The following TBC1D10B variants were observed in gnomAD, a reference collection of about 807,000 sequenced individuals.
TBC1D10B encodes Rab27A-GAPbeta.
In TBC1D10B, 25 loss-of-function variants were observed where a neutral mutation model predicts 78.4. The observed-to-expected ratio is 0.32, with a 90% CI of 0.23 to 0.45. The LOEUF (loss-of-function observed/expected upper bound fraction) is 0.45, where lower values mean the gene tolerates loss of function less well. TBC1D10B is among the 20% of genes least tolerant of loss of function. The pLI, the probability that TBC1D10B is intolerant of heterozygous loss-of-function variation, is 1.00. For synonymous variants in TBC1D10B, 517 were observed against 478.0 expected (o/e 1.08, Z -1.06); for missense variants, 996 against 1,104.8 (o/e 0.90, Z 1.40).
intron 4 of TBC1D10B, chr16:30,360,085 T>G: frequency 4.3e-6 from 2 of 470,020 alleles, no homozygotes; most frequent in Non-Finnish European, 7.7e-6. Context: ...CTCGCCCTCC[T>G]TCCTCAGCCA....
At chr16:30,364,086 C>T (rs986445827) in intron 4 of TBC1D10B, among the ~76,000 whole-genome samples, 24 of 150,772 alleles carry the variant, frequency 1.6e-4, no homozygotes, top group Non-Finnish European at 3.2e-4. Flanking sequence ...CACTGTACTC[C>T]TGCCTCGGCA....
At chr16:30,367,538 G>A (rs543388473) in intron 1 of TBC1D10B, 1 of 152,354 alleles carries the variant, frequency 6.6e-6, no homozygotes, top group South Asian at 2.1e-4. Context: ...GGGGGCAGTG[G>A]GTATCAGGGA....
chr16:30,370,263 C>A lies in TBC1D10B; in HGVS notation c.-80G>T. The A allele has an allele frequency of 1.3e-6, 1 of 761,844 alleles. No individual in the cohort carries two copies. The highest frequency in any genetic ancestry group is 1.7e-6 in the Non-Finnish European group (1 of 595,746). 47.2% of individuals were successfully genotyped at this position (761,844 alleles called of 1,614,324 possible). On this transcript the variant is annotated 5_prime_UTR_variant, in exon 1 of 9. Transcript: ENST00000409939. Reference sequence around the variant, plus strand: ...CCCTCGGGCCTCCCGGCGAGGCCAGCCGAGAAAGGGGAGAGGGCGAAGGGC... The same window carrying A: ...CCCTCGGGCCTCCCGGCGAGGCCAGACGAGAAAGGGGAGAGGGCGAAGGGC...
At position 30,369,548 on chromosome 16, in the gene TBC1D10B, G is replaced by T. The variant is rs1462858781; in HGVS notation, c.636C>A (p.Asp212Glu). 6.5e-7 allele frequency: 1 copy of T among 1,543,630 alleles called. No individual in the cohort carries two copies. Among genetic ancestry groups the T allele is most frequent in the South Asian group, 1.2e-5 (1 of 83,550 alleles). The change falls in exon 1 of 9, where the codon GAC (aspartate) becomes GAA (glutamate). Residue 212 changes from aspartate to glutamate, a missense_variant. Asp to Glu is a conservative substitution (Grantham distance 45, BLOSUM62 2). Around this residue, in one of 5 missense-constraint regions of TBC1D10B, gnomAD observed 448 missense variants for 442.1 expected, o/e 1.01. Transcript: ENST00000409939. The surrounding 1 kb of genome is among the most constrained non-coding windows in gnomAD (Gnocchi z 4.3). ...TSASAGQAPE[D>E]PSGPGTGPSG... ...AGGGGCCTGTGCCAGGGCCTGAGGG[G>T]TCCTCAGGAGCCTGTCCTGCTGATG...
At position 30,370,230 on chromosome 16, in the gene TBC1D10B, G is replaced by A. The variant is rs1458316573; in HGVS notation, c.-47C>T. The A allele has an allele frequency of 4.9e-6, 5 of 1,029,432 alleles. No homozygotes were observed. Among genetic ancestry groups the A allele is most frequent in the Non-Finnish European group, 3.6e-6 (3 of 831,488 alleles). The allele number at this position is 1,029,432 out of a possible 1,614,324, so 63.8% of individuals were successfully genotyped here. A position where few individuals can be genotyped will look rare whatever the true frequency, so the allele number is the denominator to read the frequency against. On this transcript the variant is annotated 5_prime_UTR_variant, in exon 1 of 9. Transcript: ENST00000409939. ...TCCCCCCGCCGGGGAGGCCGCAGAA[G>A]GCGCCGCCCCTCGGGCCTCCCGGCG...
chr16:30,357,617 C>T lies in TBC1D10B; in HGVS notation c.*327G>A. On this transcript the variant is annotated 3_prime_UTR_variant, in exon 9 of 9. Transcript: ENST00000409939. ...AGCTATGGAGTGTAAGAATCTGAAA[C>T]TGCTGACTCCCATCACCAGGAGTCA... 5.0e-6 allele frequency: 2 copies of T among 400,778 alleles called. No individual in the cohort carries two copies. Among genetic ancestry groups the T allele is most frequent in the Non-Finnish European group, 9.1e-6 (2 of 220,170 alleles). 24.8% of individuals were successfully genotyped at this position (400,778 alleles called of 1,614,324 possible).
At position 30,358,476 on chromosome 16, in the gene TBC1D10B, G is replaced by A; in HGVS notation, c.1895C>T (p.Pro632Leu). The change falls in exon 9 of 9, where the codon CCC becomes CTC. Residue 632 changes from proline to leucine, a missense_variant. Transcript: ENST00000409939. ...CCGGGACCCATGCAGTCGCCGTGAG[G>A]GCCGATACTGCAGCTCCCCCCGCGT... is the stretch of plus-strand genomic sequence containing the variant. ...RETRGELQYR[P>L]SRRLHGSRAI... 1 of 1,597,240 alleles carries A rather than the reference G, an allele frequency of 6.3e-7. No homozygotes were observed.
Position 30,369,822 on chromosome 16 carries a change from T to G in TBC1D10B, c.362A>C (p.Glu121Ala). Reference protein sequence around the residue: ...SPEPAAVAGVETSRALAAGAD... With the variant: ...SPEPAAVAGVATSRALAAGAD... ...CCCTGCGGCCAGAGCCCTCGATGTC[T>G]CAACTCCAGCCACTGCCGCGGGCTC... Residue 121 changes from glutamate to alanine, a missense_variant, in exon 1 of 9, where the codon GAG (glutamate) becomes GCG (alanine). Glu to Ala is a moderately radical substitution (Grantham distance 107). Transcript: ENST00000409939. This position sits in a 1 kb window ranked among gnomAD's most constrained non-coding sequence, Gnocchi z 4.3. The G allele has an allele frequency of 7.1e-7, 1 of 1,415,308 alleles. No individual in the cohort carries two copies. The allele number at this position is 1,415,308 out of a possible 1,614,324, so 87.7% of individuals were successfully genotyped here.
In TBC1D10B at chr16:30,369,408, G is replaced by C. The variant is rs1363450056; in HGVS notation, c.776C>G (p.Pro259Arg). Residue 259 changes from proline (P) to arginine (R), a missense_variant, in exon 1 of 9, where the codon CCT (proline) becomes CGT (arginine). By Grantham distance (103) the Pro-to-Arg change is moderately radical (BLOSUM62 -2). Coordinates refer to ENST00000409939, the MANE Select transcript of TBC1D10B (RefSeq NM_015527.4). The surrounding 1 kb of genome is among the most constrained non-coding windows in gnomAD (Gnocchi z 4.3). ...TSSLGPGISG[P>R]RGQAPDTLSY... is the part of the protein sequence containing the mutation. ...CAGCGTGTCCGGGGCCTGCCCTCGA[G>C]GCCCAGAGATGCCAGGTCCCAGGCT... The C allele has an allele frequency of 6.3e-7, 1 of 1,579,754 alleles. No homozygotes were observed. Among genetic ancestry groups the C allele is most frequent in the East Asian group, 2.3e-5 (1 of 42,736 alleles).
rs1270566895 is a variant in TBC1D10B, at chr16:30,358,314, G to A, written c.2057C>T (p.Ala686Val). The change falls in exon 9 of 9, where the codon GCC becomes GTC. Residue 686 changes from alanine to valine, a missense_variant. Physicochemically the swap from Ala to Val is moderately conservative, Grantham distance 64. Transcript: ENST00000409939. ...APSPPPPVRR[A>V]SAGPAPGPVV... ...AGGCCCTGGGGCAGGCCCAGCACTG[G>A]CTCTGCGGACGGGGGGCGGCGGGGA... is the stretch of plus-strand genomic sequence containing the variant. 1 of 1,580,172 alleles carries A rather than the reference G, an allele frequency of 6.3e-7. No individual in the cohort carries two copies. The highest frequency in any genetic ancestry group is 8.6e-7 in the Non-Finnish European group (1 of 1,163,036).
At chr16:30,359,415 G>A in intron 6 of TBC1D10B, 54 bp from the exon 7 acceptor site, 2 of 1,547,388 alleles carry the variant, frequency 1.3e-6, no homozygotes, top group Non-Finnish European at 1.7e-6. Flanking sequence ...GCCCCCATCA[G>A]GGGAGAACTG....
chr16:30,367,069 G>A (rs2049642124), intron 1 of TBC1D10B: 1 of 152,268 alleles, frequency 6.6e-6, no homozygotes, highest in African/African-American at 2.4e-5. Context: ...GGTGGCACAT[G>A]TCTTCAATCC....
chr16:30,358,637 G>A (rs755958493), intron 8 of TBC1D10B, 26 bp downstream of exon 8: 7 of 1,592,104 alleles, frequency 4.4e-6, no homozygotes, highest in Non-Finnish European at 6.0e-6. Context: ...AGGCAGGCAG[G>A]GGCTGCGTTG....
In TBC1D10B at chr16:30,365,435, G is replaced by A. The variant is rs2049629072; in HGVS notation, c.1056+60C>T. ...TATTATCGGCTTCCTGGGCTTCCCT[G>A]GAGCACATGCTACCCCTCCCAACTT... is the stretch of plus-strand genomic sequence containing the variant. On this transcript the variant is annotated intron_variant, in intron 2 of 8. Transcript: ENST00000409939. This position sits in a 1 kb window ranked among gnomAD's most constrained non-coding sequence, Gnocchi z 5.0. 5.7e-6 allele frequency: 9 copies of A among 1,582,800 alleles called. No homozygotes were observed. Among genetic ancestry groups the A allele is most frequent in the Non-Finnish European group, 7.8e-6 (9 of 1,151,614 alleles).
In TBC1D10B at chr16:30,365,059, T is replaced by C. The variant is rs2049626532; in HGVS notation, c.1164+46A>G. On this transcript the variant is annotated intron_variant, in intron 3 of 8. Transcript: ENST00000409939. This position sits in a 1 kb window ranked among gnomAD's most constrained non-coding sequence, Gnocchi z 5.0. The stretch of plus-strand genomic sequence containing the variant: ...AGCATCTGGGGGAACTGATACCCCT[T>C]GCACAGACAGGGCCACATGTCCCCA... 6.2e-7 allele frequency: 1 copy of C among 1,611,782 alleles called. No homozygotes were observed. The highest frequency in any genetic ancestry group is 8.5e-7 in the Non-Finnish European group (1 of 1,177,932).
chr16:30,361,272 G>A lies in TBC1D10B; in HGVS notation c.1272-1431C>T, dbSNP rs545509320. Among the ~76,000 whole-genome samples, 345 of 152,210 alleles carry A rather than the reference G, an allele frequency of 2.3e-3. 6 individuals are homozygous for A. The highest frequency in any genetic ancestry group is 9.7e-3 in the South Asian group (47 of 4,822). On this transcript the variant is annotated intron_variant, in intron 4 of 8. Coordinates refer to ENST00000409939, the MANE Select transcript of TBC1D10B (RefSeq NM_015527.4). ...CACACCACTGCACTCCAGCCTGGGCGACAGTCAAGCTCTGTCTCAAAACAA... is the reference window on the plus strand; with the variant it reads ...CACACCACTGCACTCCAGCCTGGGCAACAGTCAAGCTCTGTCTCAAAACAA...
chr16:30,363,764 G>T (rs114594381), intron 4 of TBC1D10B, among the ~76,000 whole-genome samples: 1 of 152,284 alleles, frequency 6.6e-6, no homozygotes, highest in African/African-American at 2.4e-5. Context: ...TGACTAGACA[G>T]TGCCTGGTAG....
Position 30,358,064 on chromosome 16 carries a change from C to T in TBC1D10B, c.2307G>A (p.Lys769=). Residue 769 remains lysine (K), a synonymous_variant, in exon 9 of 9, where the codon AAG becomes AAA. Transcript: ENST00000409939. The stretch of plus-strand genomic sequence containing the variant: ...TCCGGCCTTGAGCCTTCTTCTCCTG[C>T]TTCTGCCGCTCCTTCTCCTGCTTCT... ...EREKQEKERQ[K]QEKKAQGRKL... 6.4e-7 allele frequency: 1 copy of T among 1,551,886 alleles called. No homozygotes were observed. Among genetic ancestry groups the T allele is most frequent in the Non-Finnish European group, 8.7e-7 (1 of 1,146,950 alleles).
Position 30,358,305 on chromosome 16 carries a change from C to T in TBC1D10B, c.2066G>A (p.Gly689Glu), listed in dbSNP as rs1191216546. Residue 689 changes from glycine to glutamate, a missense_variant, in exon 9 of 9, where the codon GGG becomes GAG. Coordinates refer to ENST00000409939, the MANE Select transcript of TBC1D10B (RefSeq NM_015527.4). The stretch of plus-strand genomic sequence containing the variant: ...AGTGACCACAGGCCCTGGGGCAGGC[C>T]CAGCACTGGCTCTGCGGACGGGGGG... The part of the protein sequence containing the change: ...PPPPVRRASA[G>E]PAPGPVVTAE... 2 of 1,583,214 alleles carry T rather than the reference C, an allele frequency of 1.3e-6. No individual in the cohort carries two copies. The highest frequency in any genetic ancestry group is 1.3e-5 in the African/African-American group (1 of 74,208).
Sources: gnomAD v4.1 joint callset for allele counts (sites outside exome capture counted in the v4.1 genomes callset) on GRCh38, gnomAD v4.1.1 for gene constraint, gnomAD v4.1.1 regional missense constraint, Gnocchi (gnomAD v3.1) non-coding constraint, MANE v1.5 for transcripts, NCBI Gene and HGNC (gene_info 2026-07-23, HGNC 2026-07-21) for gene names.